The following C14orf39 variants were observed in gnomAD, a reference collection of about 807,000 sequenced individuals.
The protein encoded by C14orf39 is chromosome 14 open reading frame 39, also known as protein SIX6OS1.
Under a neutral mutation model 85.6 loss-of-function variants are expected in C14orf39, and 66 were observed. That is an observed-to-expected ratio of 0.77 (90% CI 0.63 to 0.95). The LOEUF is 0.95. C14orf39 is among the 40% of genes least tolerant of loss of function. C14orf39 has a pLI of 0.00. For missense variants in C14orf39, 735 were observed against 663.9 expected, an observed-to-expected ratio of 1.11 and a Z score of -1.18; for synonymous variants, 242 against 214.0, an observed-to-expected ratio of 1.13 and a Z score of -1.14.
At chr14:60,457,440 T>C (rs1353531128) in intron 14 of C14orf39, among the ~76,000 whole-genome samples, 1 of 152,002 alleles carries the variant, frequency 6.6e-6, no homozygotes, top group Non-Finnish European at 1.5e-5. Context: ...AACAATTACA[T>C]AGGCTATCTC....
At chr14:60,493,942 C>A in intron 2 of C14orf39, 1 of 156,754 alleles carries the variant, frequency 6.4e-6, no homozygotes, top group Non-Finnish European at 1.4e-5. Flanking sequence ...CTGGTTTTTC[C>A]AGATTAGCAC....
At chr14:60,441,966 T>C in intron 17 of C14orf39, 108 bp downstream of exon 17, 6 of 716,616 alleles carry the variant, frequency 8.4e-6, no homozygotes. Flanking sequence ...GAAGTAACAG[T>C]AATTTCTAAA....
chr14:60,488,049 T>A (rs1349581512), upstream of C14orf39, among the ~76,000 whole-genome samples: 1 of 152,238 alleles, frequency 6.6e-6, no homozygotes, highest in African/African-American at 2.4e-5. Context: ...ATTAACTACT[T>A]CTTTTTAGGA....
upstream of C14orf39, among the ~76,000 whole-genome samples, chr14:60,490,575 G>A (rs1411692417): frequency 6.6e-6 from 1 of 152,096 alleles, no homozygotes; most frequent in Non-Finnish European, 1.5e-5. Flanking sequence ...GGCGAGCTAT[G>A]ATCGCACCAC....
Position 60,454,827 on chromosome 14 carries a change from A to G in C14orf39, c.1503+174T>C, listed in dbSNP as rs1327297938. 2.0e-5 allele frequency among the ~76,000 whole-genome samples: 3 copies of G among 152,146 alleles called. No homozygotes were observed. The East Asian group carries it at 5.8e-4, about 29-fold the overall frequency. ...GAACAGATGTCAATATGAGGCATTC[A>G]AAGTTGAAAACAAAAAGGTAATAGG... On this transcript the variant is annotated intron_variant, in intron 16 of 17. Transcript: ENST00000321731.
At chr14:60,467,521 T>C (rs544833894) in intron 9 of C14orf39, among the ~76,000 whole-genome samples, 1 of 151,972 alleles carries the variant, frequency 6.6e-6, no homozygotes, top group Admixed American at 6.6e-5. Flanking sequence ...TTTATCTAAA[T>C]TGAAGAAATA....
Position 60,436,861 on chromosome 14 carries a change from T to G in C14orf39, c.1748A>C (p.Gln583Pro). 1 of 1,606,146 alleles carries G rather than the reference T, an allele frequency of 6.2e-7. No individual in the cohort carries two copies. Among genetic ancestry groups the G allele is most frequent in the East Asian group, 2.2e-5 (1 of 44,642 alleles). ...ATGACTAGCTCAAAAAAAAGTAAAC[T>G]GTGTTGTATTTTGTGAGGAAGATGA... ...GFSSSSQNTT[Q>P]FTFF Residue 583 changes from glutamine to proline, a missense_variant, in exon 18 of 18, where the codon CAG becomes CCG. Coordinates refer to ENST00000321731, the MANE Select transcript of C14orf39 (RefSeq NM_174978.3).
chr14:60,458,118 A>T (rs1891359926), intron 14 of C14orf39, among the ~76,000 whole-genome samples: 2 of 152,020 alleles, frequency 1.3e-5, no homozygotes, highest in Non-Finnish European at 2.9e-5. Context: ...TCTTTTCTTC[A>T]TGCTAGAAAC....
rs1428520703 is a variant in C14orf39, at chr14:60,484,055, G to A, written c.107-238C>T. The stretch of plus-strand genomic sequence containing the variant: ...GTTTGGGAATGATGAAAAAATAAAT[G>A]TCCCTTGTACCTCATCTTTAACATA... On this transcript the variant is annotated intron_variant, in intron 3 of 17. Coordinates refer to ENST00000321731, the MANE Select transcript of C14orf39 (RefSeq NM_174978.3). The surrounding 1 kb of genome is among the most constrained non-coding windows in gnomAD (Gnocchi z 4.2). 6.6e-6 allele frequency among the ~76,000 whole-genome samples: 1 copy of A among 152,076 alleles called. No individual in the cohort carries two copies. The highest frequency in any genetic ancestry group is 2.4e-5 in the African/African-American group (1 of 41,410).
intron 1 of C14orf39, among the ~76,000 whole-genome samples, chr14:60,514,233 G>A (rs1893331177): frequency 1.3e-5 from 2 of 151,936 alleles, no homozygotes; most frequent in Non-Finnish European, 1.5e-5. Flanking sequence ...CAGGGTTTTG[G>A]GGGGAAAAAA....
At chr14:60,512,015 GTATGTACCTATACAAACA>G in intron 1 of C14orf39, 1 of 3,714 alleles carries the variant, frequency 2.7e-4, no homozygotes, top group Non-Finnish European at 2.0e-3. Flanking sequence ...GTGCATATAT[GTATGTACCTATACAAACA>G]TATGTATGTA....
chr14:60,447,919 A>G (rs1348818513), intron 16 of C14orf39, among the ~76,000 whole-genome samples: 1 of 152,182 alleles, frequency 6.6e-6, no homozygotes, highest in African/African-American at 2.4e-5. Context: ...TCTTTGACAA[A>G]CCTGACAAAA....
chr14:60,507,289 C>A (rs1412095606), intron 1 of C14orf39, among the ~76,000 whole-genome samples: 1 of 152,174 alleles, frequency 6.6e-6, no homozygotes, highest in Non-Finnish European at 1.5e-5. Context: ...TTCATCCCTG[C>A]CCGGCCACCG....
chr14:60,467,720 G>T (rs1417217935), intron 9 of C14orf39, among the ~76,000 whole-genome samples: 2 of 151,512 alleles, frequency 1.3e-5, no homozygotes, highest in Non-Finnish European at 3.0e-5. Context: ...GGGAGTGGAG[G>T]AATCAAGAAA....
intron 7 of C14orf39, 61 bp downstream of exon 7, chr14:60,471,356 T>C: frequency 8.0e-7 from 1 of 1,257,458 alleles, no homozygotes. Context: ...ACAGTAACAA[T>C]TAAAATACAA....
At chr14:60,487,522 T>A (rs1892918684), upstream of C14orf39, among the ~76,000 whole-genome samples, 1 of 152,174 alleles carries the variant, frequency 6.6e-6, no homozygotes, top group Admixed American at 6.5e-5. Flanking sequence ...TGTTTATCCA[T>A]TCATTGACAA....
rs1214152521 is a variant in C14orf39, at chr14:60,485,195, G to A, written c.-8-109C>T. 4 of 906,440 alleles carry A rather than the reference G, an allele frequency of 4.4e-6. No individual in the cohort carries two copies. The East Asian group carries it at 8.1e-5, about 18-fold the overall frequency. The allele number at this position is 906,440 out of a possible 1,614,324, so 56.1% of individuals were successfully genotyped here. A position where few individuals can be genotyped will look rare whatever the true frequency, so the allele number is the denominator to read the frequency against. ...TAGCATTCTTCACAGGAACATGTGG[G>A]CAGAGCCAGAACTGGAAGACGAGAG... On this transcript the variant is annotated intron_variant, in intron 1 of 17. Coordinates refer to ENST00000321731, the MANE Select transcript of C14orf39 (RefSeq NM_174978.3).
chr14:60,486,274 G>C (rs1892890597), upstream of C14orf39, among the ~76,000 whole-genome samples: 1 of 152,216 alleles, frequency 6.6e-6, no homozygotes, highest in African/African-American at 2.4e-5. Flanking sequence ...CCTCAAAGAA[G>C]TAGAGACCTG....
chr14:60,478,409 T>C lies in C14orf39; in HGVS notation c.234-20A>G. 1 of 1,340,520 alleles carries C rather than the reference T, an allele frequency of 7.5e-7. No homozygotes were observed. The highest frequency in any genetic ancestry group is 1.3e-5 in the South Asian group (1 of 74,712). The allele number at this position is 1,340,520 out of a possible 1,614,324, so 83.0% of individuals were successfully genotyped here. A position where few individuals can be genotyped will look rare whatever the true frequency, so the allele number is the denominator to read the frequency against. The stretch of plus-strand genomic sequence containing the variant: ...TTCCAGCTATAGAAAAAAATATATT[T>C]GTAATTAGCAACTCAGAATGATAAA... On this transcript the variant is annotated intron_variant, in intron 4 of 17. Coordinates refer to ENST00000321731, the MANE Select transcript of C14orf39 (RefSeq NM_174978.3).
Sources: allele counts gnomAD v4.1 joint callset (sites outside exome capture counted in the v4.1 genomes callset), GRCh38; gene constraint gnomAD v4.1.1; non-coding constraint Gnocchi (gnomAD v3.1); transcripts MANE v1.5; gene names NCBI Gene and HGNC (gene_info 2026-07-23, HGNC 2026-07-21).